WWTR1: variants seen among roughly 807,000 people sequenced by gnomAD.
WWTR1 encodes the protein WW domain-containing transcription regulator protein 1.
A neutral mutation model predicts 40.1 loss-of-function variants in WWTR1; 13 were observed. The observed-to-expected ratio is 0.32, with a 90% CI of 0.21 to 0.52. WWTR1 has a LOEUF of 0.52. Ranked by LOEUF, WWTR1 falls within the 20% of genes least tolerant of loss-of-function variation. The pLI is 0.97. For missense variants in WWTR1, 436 were observed against 523.1 expected, an observed-to-expected ratio of 0.83 and a Z score of 1.63; for synonymous variants, 230 against 210.1, an observed-to-expected ratio of 1.09 and a Z score of -0.82.
intron 2 of WWTR1, among the ~76,000 whole-genome samples, chr3:149,612,577 C>A (rs1383742375): frequency 6.6e-6 from 1 of 152,110 alleles, no homozygotes; most frequent in Non-Finnish European, 1.5e-5. Flanking sequence ...ATAATATTTT[C>A]TTTTCAGGGA....
At chr3:149,584,347 T>C (rs1738306199) in intron 2 of WWTR1, among the ~76,000 whole-genome samples, 2 of 152,170 alleles carry the variant, frequency 1.3e-5, no homozygotes, top group South Asian at 2.1e-4. Context: ...TTTTTGTTGG[T>C]TTTGTTTTTT....
chr3:149,691,085 AT>A lies in WWTR1; in HGVS notation c.-108+12038del, dbSNP rs971813897. Among the ~76,000 whole-genome samples the A allele has an allele frequency of 1.2e-3, 175 of 151,848 alleles. 1 individual carries two copies. The highest frequency in any genetic ancestry group is 3.9e-3 in the African/African-American group (162 of 41,502). On this transcript the variant is annotated intron_variant, in intron 1 of 7. Transcript: ENST00000465804. ...TTGAGAAAAAATTTAAAATTTAAAA[AT>A]TTTTTTTTAAAAGAAAAAATTTCTT...
chr3:149,633,533 A>G (rs986451618), intron 2 of WWTR1, among the ~76,000 whole-genome samples: 2 of 152,242 alleles, frequency 1.3e-5, no homozygotes, highest in East Asian at 3.8e-4. Flanking sequence ...TACTAATCCC[A>G]GTACTCAACA....
At chr3:149,539,108 A>G (rs1461801838) in intron 4 of WWTR1, among the ~76,000 whole-genome samples, 1 of 152,224 alleles carries the variant, frequency 6.6e-6, no homozygotes, top group Non-Finnish European at 1.5e-5. Flanking sequence ...ACCCTTTGGC[A>G]TTGTGGTATA....
chr3:149,623,679 C>A (rs1481140480), intron 2 of WWTR1, among the ~76,000 whole-genome samples: 1 of 152,188 alleles, frequency 6.6e-6, no homozygotes, highest in Non-Finnish European at 1.5e-5. Flanking sequence ...AAATGTAAAT[C>A]TGTATAAGTG....
chr3:149,556,877 C>CA (rs1306438716), intron 3 of WWTR1, among the ~76,000 whole-genome samples: 1 of 151,830 alleles, frequency 6.6e-6, no homozygotes, highest in East Asian at 1.9e-4. Context: ...AAACATACAA[C>CA]AAAAAAACTA....
intron 2 of WWTR1, among the ~76,000 whole-genome samples, chr3:149,583,212 C>T (rs1456846334): frequency 2.0e-5 from 3 of 152,174 alleles, no homozygotes; most frequent in Non-Finnish European, 4.4e-5. Flanking sequence ...GTTATCCACC[C>T]GCTTCGGCCT....
intron 1 of WWTR1, among the ~76,000 whole-genome samples, chr3:149,672,149 A>ACAAG (rs1230919557): frequency 4.6e-5 from 7 of 152,140 alleles, no homozygotes; most frequent in Non-Finnish European, 1.0e-4. Context: ...AAACAAACAA[A>ACAAG]CAAACAAAAA....
intron 2 of WWTR1, among the ~76,000 whole-genome samples, chr3:149,634,818 T>C (rs1430974917): frequency 1.3e-5 from 2 of 152,176 alleles, no homozygotes. Flanking sequence ...CAGCAACCAC[T>C]GAGCCTCTTC....
chr3:149,592,961 A>T (rs1738801962), intron 2 of WWTR1, among the ~76,000 whole-genome samples: 1 of 152,098 alleles, frequency 6.6e-6, no homozygotes, highest in South Asian at 2.1e-4. Flanking sequence ...ACATTGAAAA[A>T]CACACCAGAG....
At position 149,674,056 on chromosome 3, in the gene WWTR1, C is replaced by CAAAAAAAAAAA. The variant is rs71138404; in HGVS notation, c.-107-4176_-107-4166dup. 1.7e-4 allele frequency among the ~76,000 whole-genome samples: 21 copies of CAAAAAAAAAAA among 121,810 alleles called. 4 individuals are homozygous for CAAAAAAAAAAA. The highest frequency in any genetic ancestry group is 2.0e-4 in the Non-Finnish European group (12 of 60,330). The allele number at this position is 121,810 out of a possible 152,430, so 79.9% of individuals were successfully genotyped here. ...GCAACATAGTAAGACCTCGTCTCTA[C>CAAAAAAAAAAA]AAAAAAAAAAAAATTAGCTGGGCAT... On this transcript the variant is annotated intron_variant, in intron 1 of 7. Coordinates refer to the WWTR1 transcript ENST00000465804.
intron 2 of WWTR1, among the ~76,000 whole-genome samples, chr3:149,619,843 G>T (rs956411823): frequency 2.0e-5 from 3 of 152,184 alleles, no homozygotes; most frequent in African/African-American, 4.8e-5. Context: ...GTTAATCCTC[G>T]CACAGGCTGA....
rs1313270259 is a variant in WWTR1, at chr3:149,517,452, C to T, written c.*3353G>A. On this transcript the variant is annotated 3_prime_UTR_variant, in exon 7 of 7. Transcript: ENST00000360632. The stretch of plus-strand genomic sequence containing the variant: ...CACATATATGTGTTAGGAAAATGGT[C>T]TCTGTCAATTGCCCATTTTCCCAAT... The T allele has an allele frequency of 6.6e-6, 1 of 152,152 alleles. No individual in the cohort carries two copies. The highest frequency in any genetic ancestry group is 1.9e-4 in the East Asian group (1 of 5,192). The allele number at this position is 152,152 out of a possible 1,614,324, so 9.4% of individuals were successfully genotyped here.
chr3:149,657,007 C>T lies in WWTR1; in HGVS notation c.300G>A (p.Ala100=), dbSNP rs759961873. The T allele has an allele frequency of 3.1e-6, 5 of 1,596,202 alleles. No homozygotes were observed. In the African/African-American group the frequency reaches 6.7e-5, roughly 21 times the overall value. ...SPASLQLGTG[A]GAAGSPAQQH... ...GCTGCGCGGGGCTACCCGCAGCACC[C>T]GCGCCGGTGCCCAGCTGCAGGGACG... The change falls in exon 2 of 7, where the codon GCG becomes GCA. Residue 100 remains alanine, a synonymous_variant. Transcript: ENST00000360632.
intron 5 of WWTR1, among the ~76,000 whole-genome samples, chr3:149,527,033 A>C (rs1009498582): frequency 2.0e-5 from 3 of 152,256 alleles, no homozygotes; most frequent in Non-Finnish European, 4.4e-5. Flanking sequence ...TTCCCCAGTG[A>C]TAACATCTTA....
At chr3:149,635,620 GGAAGGAGAAAGGAGGAAGAAGGAA>G (rs1001527388) in intron 2 of WWTR1, among the ~76,000 whole-genome samples, 3 of 151,658 alleles carry the variant, frequency 2.0e-5, no homozygotes, top group Non-Finnish European at 4.4e-5. Context: ...GGGAGGAGGA[GGAAGGAGAAAGGAGGAAGAAGGAA>G]GAAGGAGAAG....
intron 3 of WWTR1, among the ~76,000 whole-genome samples, chr3:149,561,783 T>C (rs185688506): frequency 1.3e-5 from 2 of 152,314 alleles, no homozygotes; most frequent in East Asian, 3.9e-4. Flanking sequence ...TAAAAAGACA[T>C]ACTGTATATG....
intron 3 of WWTR1, among the ~76,000 whole-genome samples, chr3:149,554,317 T>C (rs1473391840): frequency 6.6e-6 from 1 of 152,202 alleles, no homozygotes; most frequent in East Asian, 1.9e-4. Flanking sequence ...GCTTGCCAGA[T>C]GGGCCTCCGG....
intron 2 of WWTR1, among the ~76,000 whole-genome samples, chr3:149,626,904 C>T (rs1740571927): frequency 6.6e-6 from 1 of 152,120 alleles, no homozygotes; most frequent in Non-Finnish European, 1.5e-5. Flanking sequence ...ATGCCCTGCC[C>T]TCTCTTAATT....
Sources: allele counts gnomAD v4.1 joint callset (sites outside exome capture counted in the v4.1 genomes callset), GRCh38; gene constraint gnomAD v4.1.1; transcripts MANE v1.5; gene names NCBI Gene and HGNC (gene_info 2026-07-23, HGNC 2026-07-21).